CFAP44: variants seen among roughly 807,000 people sequenced by gnomAD.
The protein encoded by CFAP44 is cilia and flagella associated protein 44, also known as cilia- and flagella-associated protein 44.
A neutral mutation model predicts 216.2 loss-of-function variants in CFAP44; 134 were observed. The ratio of observed to expected loss-of-function variants is 0.62; its 90% confidence interval spans 0.54 to 0.72. CFAP44 has a LOEUF of 0.72. Among genes scored for constraint, CFAP44 ranks in the 30% least tolerant of loss-of-function variants. CFAP44 has a pLI of 0.00. For missense variants in CFAP44, 2,035 were observed against 2,182.1 expected (o/e 0.93, Z 1.34); for synonymous variants, 700 against 727.6 (o/e 0.96, Z 0.61).
At chr3:113,341,545 G>A (rs1032178470) in intron 24 of CFAP44, among the ~76,000 whole-genome samples, 199 bp downstream of exon 24, 7 of 152,086 alleles carry the variant, frequency 4.6e-5, no homozygotes, top group African/African-American at 1.7e-4. Context: ...GAAACTCTAA[G>A]AATTACAGAA....
At chr3:113,379,265 T>C in intron 17 of CFAP44, 41 bp downstream of exon 17, 2 of 1,397,926 alleles carry the variant, frequency 1.4e-6, no homozygotes. Context: ...TAAACTATAT[T>C]GAAATATGAT....
At chr3:113,358,643 C>T in intron 22 of CFAP44, 102 bp downstream of exon 22, 1 of 1,397,302 alleles carries the variant, frequency 7.2e-7, no homozygotes, top group Non-Finnish European at 9.3e-7. Context: ...GTGGGTACTT[C>T]CAGAGCCCTC....
At chr3:113,311,816 A>G (rs1950041436) in intron 28 of CFAP44, among the ~76,000 whole-genome samples, 4 of 152,156 alleles carry the variant, frequency 2.6e-5, no homozygotes, top group Admixed American at 2.6e-4. Context: ...AGTGATATGG[A>G]CAATAAGGTC....
intron 22 of CFAP44, among the ~76,000 whole-genome samples, chr3:113,353,766 C>G (rs556120331): frequency 6.7e-6 from 1 of 149,362 alleles, no homozygotes; most frequent in East Asian, 1.9e-4. Context: ...GAACCAGAGT[C>G]AGAGAGAGAG....
chr3:113,410,536 C>A (rs1366616307), intron 6 of CFAP44, among the ~76,000 whole-genome samples: 1 of 152,204 alleles, frequency 6.6e-6, no homozygotes, highest in East Asian at 1.9e-4. Flanking sequence ...TTTTCTTAAT[C>A]CCGTCTATCA....
chr3:113,329,772 AAGC>A (rs1322999316), intron 26 of CFAP44, among the ~76,000 whole-genome samples: 2 of 152,124 alleles, frequency 1.3e-5, no homozygotes, highest in Non-Finnish European at 2.9e-5. Flanking sequence ...ATGGTGTGAA[AAGC>A]AGAGGGTGCC....
In CFAP44 at chr3:113,344,528, G is replaced by A; in HGVS notation, c.3250C>T (p.Gln1084Ter). 2.0e-6 allele frequency: 3 copies of A among 1,536,748 alleles called. No individual in the cohort carries two copies. The highest frequency in any genetic ancestry group is 2.6e-6 in the Non-Finnish European group (3 of 1,146,704). Residue 1084 changes from glutamine (Q) to a stop codon, truncating the protein, a stop_gained, in exon 23 of 35, where the codon CAG becomes TAG. Transcript: ENST00000393845. LOFTEE classifies it high-confidence loss of function. ...TGTCATAGGCTACCTGCATCTCTCTGGCTGTCCTTTCTTCCAGGTCCCTCT... is the reference window on the plus strand; with the variant it reads ...TGTCATAGGCTACCTGCATCTCTCTAGCTGTCCTTTCTTCCAGGTCCCTCT... ...EKEGPGRKDS[Q>*]RDAGGSVTIQ...
rs143237574 is a variant in CFAP44, at chr3:113,329,351, A to G, written c.4116+817T>C. 1.6e-3 allele frequency among the ~76,000 whole-genome samples: 238 copies of G among 152,344 alleles called. 1 individual carries two copies. Among genetic ancestry groups the G allele is most frequent in the Non-Finnish European group, 2.2e-3 (152 of 68,024 alleles). The stretch of plus-strand genomic sequence containing the variant: ...AAGTCATTACTGGTGGAAGGAAGTC[A>G]TTACTGGTAGAAGGAAACAGCAAAG... On this transcript the variant is annotated intron_variant, in intron 26 of 34. Transcript: ENST00000393845.
chr3:113,333,869 C>T (rs537683126), intron 24 of CFAP44, among the ~76,000 whole-genome samples: 1 of 151,906 alleles, frequency 6.6e-6, no homozygotes, highest in African/African-American at 2.4e-5. Flanking sequence ...CTAAGTAATT[C>T]ATATTAACAT....
chr3:113,408,881 A>G (rs6788844), intron 7 of CFAP44, among the ~76,000 whole-genome samples: 34,826 of 143,032 alleles, frequency 0.24, 5,642 homozygotes, highest in African/African-American at 0.45. Flanking sequence ...AAAAAAAAAA[A>G]AGCCCTTATT....
chr3:113,389,579 T>C (rs1440531888), intron 15 of CFAP44, among the ~76,000 whole-genome samples: 1 of 151,784 alleles, frequency 6.6e-6, no homozygotes, highest in Non-Finnish European at 1.5e-5. Flanking sequence ...AAAAGTTGTT[T>C]TTTTCAAAAG....
At chr3:113,425,237 T>G (rs915616147) in intron 4 of CFAP44, among the ~76,000 whole-genome samples, 1 of 152,134 alleles carries the variant, frequency 6.6e-6, no homozygotes, top group Non-Finnish European at 1.5e-5. Flanking sequence ...CAAAACTGAG[T>G]CAGGGAGTAC....
At chr3:113,359,846 T>C (rs1950521469) in intron 21 of CFAP44, among the ~76,000 whole-genome samples, 1 of 152,088 alleles carries the variant, frequency 6.6e-6, no homozygotes, top group African/African-American at 2.4e-5. Flanking sequence ...AAAGGTAGAA[T>C]ACAAAATTGG....
At chr3:113,341,247 G>A (rs1950330496) in intron 24 of CFAP44, among the ~76,000 whole-genome samples, 1 of 152,114 alleles carries the variant, frequency 6.6e-6, no homozygotes. Flanking sequence ...GCCCCAGCCC[G>A]GGACCACGCC....
Position 113,399,086 on chromosome 3 carries a change from T to C in CFAP44, c.1569+820A>G, listed in dbSNP as rs565012747. ...GAGGCTTCCATGTTCTGATGAAACC[T>C]AAGCCACATGGAGAGGGTGTTAGGT... On this transcript the variant is annotated intron_variant, in intron 13 of 34. Transcript: ENST00000393845. Among the ~76,000 whole-genome samples, 64 of 152,318 alleles carry C rather than the reference T, an allele frequency of 4.2e-4. 1 individual carries two copies. In the Middle Eastern group the frequency reaches 0.02, roughly 49 times the overall value.
intron 15 of CFAP44, among the ~76,000 whole-genome samples, chr3:113,388,710 C>A (rs565567994): frequency 4.6e-5 from 7 of 151,978 alleles, no homozygotes; most frequent in Admixed American, 6.6e-5. Flanking sequence ...ATGTTCCATG[C>A]AAACAGAAAT....
chr3:113,330,732 G>C, intron 25 of CFAP44, 64 bp from the exon 26 acceptor site: 1 of 1,449,118 alleles, frequency 6.9e-7, no homozygotes, highest in South Asian at 1.5e-5. Context: ...TATGGAATAT[G>C]ATCTGCTCTT....
intron 7 of CFAP44, 46 bp from the exon 8 acceptor site, chr3:113,407,087 G>T (rs187697362): frequency 2.8e-6 from 4 of 1,419,530 alleles, no homozygotes; most frequent in Admixed American, 3.4e-5. Context: ...ATATTTTATT[G>T]ATTTTTATTT....
At chr3:113,367,498 C>A (rs1932984790) in intron 18 of CFAP44, among the ~76,000 whole-genome samples, 1 of 152,148 alleles carries the variant, frequency 6.6e-6, no homozygotes, top group African/African-American at 2.4e-5. Flanking sequence ...GCCCTGACTG[C>A]TAGAAGGAAA....
Sources: allele counts gnomAD v4.1 joint callset (sites outside exome capture counted in the v4.1 genomes callset), GRCh38; gene constraint gnomAD v4.1.1; transcripts MANE v1.5; gene names NCBI Gene and HGNC (gene_info 2026-07-23, HGNC 2026-07-21).